The following PPA2 variants were observed in gnomAD, a reference collection of about 807,000 sequenced individuals.
PPA2 encodes inorganic pyrophosphatase 2.
In PPA2, 48 loss-of-function variants were observed where a neutral mutation model predicts 49.5. The ratio of observed to expected loss-of-function variants is 0.97; its 90% CI spans 0.77 to 1.23. The LOEUF (loss-of-function observed/expected upper bound fraction) is 1.23. Ranked by LOEUF, PPA2 falls within the 50% of genes most tolerant of loss-of-function variation. The probability of loss-of-function intolerance (pLI) is 0.00; values close to 1 mark genes in which losing one functional copy is unlikely to be tolerated. For synonymous variants in PPA2, 131 were observed against 139.9 expected (o/e 0.94, Z 0.45); for missense variants, 429 against 410.1 (o/e 1.05, Z -0.40).
chr4:105,409,456 G>A (rs982415590), intron 7 of PPA2, among the ~76,000 whole-genome samples: 2 of 152,218 alleles, frequency 1.3e-5, no homozygotes, highest in Non-Finnish European at 2.9e-5. Flanking sequence ...CCACCTCTGT[G>A]GGCAGGGCAT....
At chr4:105,381,936 A>G (rs1231731835) in intron 10 of PPA2, among the ~76,000 whole-genome samples, 1 of 152,056 alleles carries the variant, frequency 6.6e-6, no homozygotes. Flanking sequence ...GTTAAGTTAC[A>G]ATTTGAGAAG....
chr4:105,436,843 T>C (rs1167619192), intron 6 of PPA2, among the ~76,000 whole-genome samples: 1 of 152,104 alleles, frequency 6.6e-6, no homozygotes, highest in Non-Finnish European at 1.5e-5. Flanking sequence ...AAGACCTAAA[T>C]GTTAAGATCT....
At chr4:105,411,060 A>G (rs186920068) in intron 7 of PPA2, among the ~76,000 whole-genome samples, 2 of 152,360 alleles carry the variant, frequency 1.3e-5, no homozygotes, top group East Asian at 3.9e-4. Context: ...ATTCACACAT[A>G]ACAATATTAA....
intron 9 of PPA2, among the ~76,000 whole-genome samples, chr4:105,394,327 T>C (rs976001127): frequency 1.4e-5 from 2 of 139,260 alleles, no homozygotes; most frequent in Admixed American, 8.4e-5. Flanking sequence ...TGGGCCGAGA[T>C]TGCACCACTG....
rs35970605 is a variant in PPA2, at chr4:105,446,123, G to GA, written c.441+259dup. On this transcript the variant is annotated intron_variant, in intron 5 of 11. Coordinates refer to ENST00000341695, the MANE Select transcript of PPA2 (RefSeq NM_176869.3). Reference sequence around the variant, plus strand: ...CACTGACACTTAATAGGCAAGACCAGAAAAAAAAAAATGTATTCAAAATGT... The same window carrying GA: ...CACTGACACTTAATAGGCAAGACCAGAAAAAAAAAAAATGTATTCAAAATGT... 0.027 allele frequency: 7,067 copies of GA among 265,936 alleles called. 44 individuals are homozygous for GA. The highest frequency in any genetic ancestry group is 0.048 in the African/African-American group (2,087 of 43,846). The allele number at this position is 265,936 out of a possible 1,614,324, so 16.5% of individuals were successfully genotyped here.
chr4:105,410,758 T>G (rs966849897), intron 7 of PPA2, among the ~76,000 whole-genome samples: 1 of 152,196 alleles, frequency 6.6e-6, no homozygotes, highest in Non-Finnish European at 1.5e-5. Flanking sequence ...GGGGCCAATA[T>G]TCAACATTCT....
chr4:105,412,926 G>A (rs141867660), intron 7 of PPA2, among the ~76,000 whole-genome samples: 9,613 of 152,222 alleles, frequency 0.063, 432 homozygotes, highest in South Asian at 0.091. Flanking sequence ...ACAGTGTGGC[G>A]ATTCCTCAAG....
At chr4:105,424,076 T>A (rs1161339857) in intron 7 of PPA2, 120 bp downstream of exon 7, 2 of 1,049,384 alleles carry the variant, frequency 1.9e-6, no homozygotes, top group Non-Finnish European at 1.4e-6. Flanking sequence ...TCTATCTACA[T>A]CTTTTCCTCT....
intron 9 of PPA2, among the ~76,000 whole-genome samples, 170 bp downstream of exon 9, chr4:105,396,079 C>T (rs1039490098): frequency 6.6e-6 from 1 of 152,060 alleles, no homozygotes; most frequent in East Asian, 1.9e-4. Flanking sequence ...AAAAAGATCA[C>T]GTCAATTCCT....
At chr4:105,448,417 T>C (rs1232039625) in intron 4 of PPA2, among the ~76,000 whole-genome samples, 1 of 152,104 alleles carries the variant, frequency 6.6e-6, no homozygotes, top group East Asian at 1.9e-4. Context: ...CCCAAAGTTA[T>C]AGAAGGTTTA....
At chr4:105,435,472 C>T (rs80138182) in intron 6 of PPA2, among the ~76,000 whole-genome samples, 6,895 of 152,064 alleles carry the variant, frequency 0.045, 390 homozygotes, top group East Asian at 0.31. Flanking sequence ...TATACATGCA[C>T]GCAACATCAG....
At chr4:105,369,817 T>A in intron 11 of PPA2, 64 bp from the exon 12 acceptor site, 1 of 1,410,484 alleles carries the variant, frequency 7.1e-7, no homozygotes, top group Non-Finnish European at 1.0e-6. Context: ...AGGGAGTGAT[T>A]AATCAAATTT....
intron 1 of PPA2, among the ~76,000 whole-genome samples, chr4:105,471,975 G>T (rs758553561): frequency 1.3e-5 from 2 of 152,122 alleles, no homozygotes; most frequent in African/African-American, 4.8e-5. Flanking sequence ...GAAAAATCAT[G>T]AGTCCTAAGT....
At position 105,456,539 on chromosome 4, in the gene PPA2, G is replaced by A. The variant is rs1433567668; in HGVS notation, c.222+142C>T. 8.1e-6 allele frequency: 5 copies of A among 620,546 alleles called. 1 individual carries two copies. In the African/African-American group the frequency reaches 9.2e-5, roughly 11 times the overall value. The allele number at this position is 620,546 out of a possible 1,614,324, so 38.4% of individuals were successfully genotyped here. On this transcript the variant is annotated intron_variant, in intron 2 of 11. Transcript: ENST00000341695. ...CATACAACTTTTAATTCATATAGGA[G>A]GCTTATGACCCTGTTATAGTAACTC...
chr4:105,401,255 G>A (rs751423598), intron 7 of PPA2, among the ~76,000 whole-genome samples: 1 of 152,108 alleles, frequency 6.6e-6, no homozygotes, highest in African/African-American at 2.4e-5. Flanking sequence ...AGCTAAGATA[G>A]TTTAAAAGGC....
At chr4:105,423,422 T>C (rs1183660642) in intron 7 of PPA2, 2 of 152,072 alleles carry the variant, frequency 1.3e-5, no homozygotes, top group Admixed American at 6.5e-5. Flanking sequence ...AGAGGAAAAA[T>C]TGGTCAAAGA....
At chr4:105,450,270 C>T (rs1722609212) in intron 3 of PPA2, among the ~76,000 whole-genome samples, 2 of 152,134 alleles carry the variant, frequency 1.3e-5, no homozygotes, top group South Asian at 4.1e-4. Context: ...AGTCTGCAAA[C>T]CGATTGTTAC....
chr4:105,371,344 C>T (rs185616581), intron 10 of PPA2, among the ~76,000 whole-genome samples: 30 of 152,282 alleles, frequency 2.0e-4, no homozygotes, highest in Admixed American at 1.4e-3. Flanking sequence ...TGAGAACAGA[C>T]AAGTTTGAAG....
At chr4:105,386,308 G>A (rs112294016) in intron 10 of PPA2, among the ~76,000 whole-genome samples, 24 of 152,074 alleles carry the variant, frequency 1.6e-4, no homozygotes, top group African/African-American at 4.6e-4. Flanking sequence ...ATAAACGGAT[G>A]ATAAGAAAAA....
Sources: gnomAD v4.1 joint callset for allele counts (sites outside exome capture counted in the v4.1 genomes callset) on GRCh38, gnomAD v4.1.1 for gene constraint, MANE v1.5 for transcripts, NCBI Gene and HGNC (gene_info 2026-07-23, HGNC 2026-07-21) for gene names.